CRPPA: variants seen among roughly 807,000 people sequenced by gnomAD.
CRPPA encodes D-ribitol-5-phosphate cytidylyltransferase.
CRPPA carries 43 observed loss-of-function variants against 52.0 expected under a neutral mutation model. The observed-to-expected ratio is 0.83, with a 90% CI of 0.65 to 1.07. CRPPA has a LOEUF of 1.07. Ranked by LOEUF, CRPPA falls within the 50% of genes least tolerant of loss-of-function variation. CRPPA has a pLI of 0.00. For missense variants in CRPPA, 629 were observed against 551.7 expected, an observed-to-expected ratio of 1.14 and a Z score of -1.40; for synonymous variants, 250 against 203.5, an observed-to-expected ratio of 1.23 and a Z score of -1.94.
At chr7:16,390,550 C>T (rs2128314769) in intron 2 of CRPPA, among the ~76,000 whole-genome samples, 1 of 152,294 alleles carries the variant, frequency 6.6e-6, no homozygotes, top group Admixed American at 6.5e-5. Flanking sequence ...ACCACACCCT[C>T]TCATCTTCCC....
Position 16,167,464 on chromosome 7 carries a change from A to G in CRPPA, c.1251+48602T>C, listed in dbSNP as rs141082583. Among the ~76,000 whole-genome samples the G allele has an allele frequency of 9.3e-3, 1,421 of 152,342 alleles. 14 individuals carry two copies. Among genetic ancestry groups the G allele is most frequent in the Non-Finnish European group, 0.012 (787 of 68,034 alleles). On this transcript the variant is annotated intron_variant, in intron 9 of 9. Coordinates refer to ENST00000407010, the MANE Select transcript of CRPPA (RefSeq NM_001101426.4). ...TTCAAATATATTAAGAAATTAAAAT[A>G]TCTGCCCCAGGTTTTCCGAGATGGT...
At chr7:16,251,477 G>A (rs1783446745) in intron 8 of CRPPA, among the ~76,000 whole-genome samples, 1 of 152,136 alleles carries the variant, frequency 6.6e-6, no homozygotes, top group Non-Finnish European at 1.5e-5. Flanking sequence ...ATAATTGGAA[G>A]TAAAACACTC....
At chr7:16,190,770 C>T (rs1318129572) in intron 9 of CRPPA, among the ~76,000 whole-genome samples, 1 of 152,036 alleles carries the variant, frequency 6.6e-6, no homozygotes, top group African/African-American at 2.4e-5. Flanking sequence ...CATCTCTCTC[C>T]CACCCTTTCC....
chr7:16,229,858 G>T (rs936771399), intron 8 of CRPPA, among the ~76,000 whole-genome samples: 3 of 151,992 alleles, frequency 2.0e-5, no homozygotes, highest in Non-Finnish European at 4.4e-5. Flanking sequence ...GTTTGTCCAG[G>T]AAAGTATTCA....
chr7:16,207,681 T>C (rs73291448), intron 9 of CRPPA, among the ~76,000 whole-genome samples: 5,686 of 152,300 alleles, frequency 0.037, 343 homozygotes, highest in African/African-American at 0.13. Flanking sequence ...AGCCTAATTA[T>C]TCAGTTTGTT....
At chr7:16,302,865 T>C (rs554615529) in intron 4 of CRPPA, among the ~76,000 whole-genome samples, 1 of 152,284 alleles carries the variant, frequency 6.6e-6, no homozygotes, top group African/African-American at 2.4e-5. Flanking sequence ...TTATAGAGTG[T>C]TGTGCAAGGT....
intron 9 of CRPPA, among the ~76,000 whole-genome samples, chr7:16,118,834 TA>T (rs1782428798): frequency 6.6e-6 from 1 of 152,198 alleles, no homozygotes; most frequent in African/African-American, 2.4e-5. Flanking sequence ...CTTTTGTTTT[TA>T]AGACATTGAT....
chr7:16,125,990 A>T (rs907458003), intron 9 of CRPPA, among the ~76,000 whole-genome samples: 2 of 152,038 alleles, frequency 1.3e-5, no homozygotes, highest in African/African-American at 4.8e-5. Context: ...TGTGACTAAG[A>T]ATTGTAGAAT....
At chr7:16,284,229 T>C (rs182719831) in intron 5 of CRPPA, among the ~76,000 whole-genome samples, 106 of 152,202 alleles carry the variant, frequency 7.0e-4, no homozygotes, top group African/African-American at 2.3e-3. Context: ...CCTCTGCTAT[T>C]AGTGAATTTT....
chr7:16,357,088 A>G lies in CRPPA; in HGVS notation c.684+19004T>C, dbSNP rs1002806286. 2.8e-4 allele frequency among the ~76,000 whole-genome samples: 42 copies of G among 152,160 alleles called. 1 individual carries two copies. Among genetic ancestry groups the G allele is most frequent in the Non-Finnish European group, 5.9e-5 (4 of 68,030 alleles). The stretch of plus-strand genomic sequence containing the variant: ...CTTTCCATCTTCCTATGGGAGCTGG[A>G]TGCTTTCCCATGGGTCCCTCAGGAT... On this transcript the variant is annotated intron_variant, in intron 3 of 9. Transcript: ENST00000407010.
chr7:16,092,369 T>C (rs951564166), intron 9 of CRPPA, among the ~76,000 whole-genome samples: 4 of 152,136 alleles, frequency 2.6e-5, no homozygotes, highest in Non-Finnish European at 4.4e-5. Flanking sequence ...GAAGGGAAAA[T>C]AGAAACAGAG....
intron 3 of CRPPA, among the ~76,000 whole-genome samples, chr7:16,342,790 T>TATATATAGATATATAG (rs1785898143): frequency 1.2e-4 from 4 of 33,524 alleles, no homozygotes; most frequent in African/African-American, 3.4e-4. Context: ...AAAATATATA[T>TATATATAGATATATAG]ATATATATCT....
chr7:16,208,434 G>C (rs1216565140), intron 9 of CRPPA, among the ~76,000 whole-genome samples: 6 of 151,938 alleles, frequency 3.9e-5, no homozygotes, highest in Admixed American at 3.9e-4. Flanking sequence ...AATACATTAG[G>C]TAAAAAAAAT....
Position 16,376,209 on chromosome 7 carries a change from A to G in CRPPA, c.567T>C (p.Thr189=). 53 of 1,611,850 alleles carry G rather than the reference A, an allele frequency of 3.3e-5. 1 individual carries two copies. The highest frequency in any genetic ancestry group is 4.5e-5 in the Non-Finnish European group (53 of 1,179,010). ...AAGAIRPLVS[T]VVSPSADGCL... ...AACCATCAGCAGATGGACTGACGAC[A>G]GTAGATACAAGAGGTCGAATGGCTC... Residue 189 remains threonine (T), a synonymous_variant, in exon 3 of 10, where the codon ACT becomes ACC. Coordinates refer to ENST00000407010, the MANE Select transcript of CRPPA (RefSeq NM_001101426.4).
At chr7:16,387,537 T>C (rs1394684502) in intron 2 of CRPPA, among the ~76,000 whole-genome samples, 3 of 149,222 alleles carry the variant, frequency 2.0e-5, no homozygotes, top group Non-Finnish European at 3.0e-5. Context: ...AACGAATGGA[T>C]CAAAAGGCAA....
chr7:16,205,636 G>A (rs1781957914), intron 9 of CRPPA, among the ~76,000 whole-genome samples: 3 of 152,126 alleles, frequency 2.0e-5, no homozygotes, highest in Non-Finnish European at 1.5e-5. Context: ...TCAGACTCAA[G>A]GATCATGCTT....
At chr7:16,419,485 C>G (rs1401813557) in intron 1 of CRPPA, among the ~76,000 whole-genome samples, 1 of 152,142 alleles carries the variant, frequency 6.6e-6, no homozygotes, top group African/African-American at 2.4e-5. Flanking sequence ...TCTGCCTTCA[C>G]AGGACTAACA....
At chr7:16,402,320 G>A (rs1190009578) in intron 2 of CRPPA, among the ~76,000 whole-genome samples, 1 of 152,188 alleles carries the variant, frequency 6.6e-6, no homozygotes, top group Non-Finnish European at 1.5e-5. Flanking sequence ...TTAATGTAAA[G>A]TTGTTCCAAG....
intron 8 of CRPPA, among the ~76,000 whole-genome samples, chr7:16,236,928 C>T (rs1782966994): frequency 6.8e-6 from 1 of 147,228 alleles, no homozygotes; most frequent in South Asian, 2.1e-4. Context: ...TCAAAGTAAG[C>T]TTTAAGAGCT....
Sources: allele counts gnomAD v4.1 joint callset (sites outside exome capture counted in the v4.1 genomes callset), GRCh38; gene constraint gnomAD v4.1.1; transcripts MANE v1.5; gene names NCBI Gene and HGNC (gene_info 2026-07-23, HGNC 2026-07-21).